The following CPAP variants were observed in gnomAD, a reference collection of about 807,000 sequenced individuals.
CPAP encodes centrosome assembly and centriole elongation protein.
chr13:24,926,753 C>T, the CPAP span, among the ~76,000 whole-genome samples: 1 of 152,064 alleles, frequency 6.6e-6, no homozygotes, highest in African/African-American at 2.4e-5. Flanking sequence ...AGCTCTTGGC[C>T]TGCCCTGTGA....
chr13:24,882,623 C>T, the CPAP span: 1 of 153,970 alleles, frequency 6.5e-6, no homozygotes, highest in African/African-American at 2.4e-5. Context: ...GCTTTCTCTT[C>T]ACCATGATTA....
At chr13:24,898,450 T>C in the CPAP span, among the ~76,000 whole-genome samples, 1 of 152,180 alleles carries the variant, frequency 6.6e-6, no homozygotes, top group Non-Finnish European at 1.5e-5. Flanking sequence ...ACTGAATAGG[T>C]GGCCGGAGCA....
chr13:24,901,952 T>C, the CPAP span, among the ~76,000 whole-genome samples: 280 of 152,228 alleles, frequency 1.8e-3, 2 homozygotes, highest in South Asian at 0.023. Context: ...GATTGTACCA[T>C]TGTACTCCAG....
the CPAP span, chr13:24,899,414 C>A: frequency 6.2e-7 from 1 of 1,604,962 alleles, no homozygotes; most frequent in Non-Finnish European, 8.5e-7. Context: ...AAAGAACTAG[C>A]ATACCTGTAT....
chr13:24,906,631 A>C, the CPAP span: 1 of 1,614,212 alleles, frequency 6.2e-7, no homozygotes, highest in Non-Finnish European at 8.5e-7. Context: ...ATCCTGACGG[A>C]GAAAGACTTT....
chr13:24,913,069 G>C, the CPAP span: 2 of 1,557,856 alleles, frequency 1.3e-6, no homozygotes, highest in African/African-American at 2.7e-5. Context: ...GCAAAGGCTA[G>C]AAGAGCTATT....
chr13:24,921,761 C>G, the CPAP span, among the ~76,000 whole-genome samples: 1 of 152,074 alleles, frequency 6.6e-6, no homozygotes, highest in African/African-American at 2.4e-5. Context: ...GAAAAATTCC[C>G]TACTAGACTG....
chr13:24,919,265 A>C, the CPAP span, among the ~76,000 whole-genome samples: 2 of 152,230 alleles, frequency 1.3e-5, no homozygotes, highest in African/African-American at 4.8e-5. Flanking sequence ...GCCATAAAAA[A>C]TTACAAGCAC....
At chr13:24,904,864 G>A in the CPAP span, among the ~76,000 whole-genome samples, 18 of 152,234 alleles carry the variant, frequency 1.2e-4, no homozygotes, top group East Asian at 3.1e-3. Flanking sequence ...TAAAAAGTCC[G>A]TTACATCAAC....
the CPAP span, among the ~76,000 whole-genome samples, chr13:24,917,342 G>T: frequency 6.6e-6 from 1 of 152,124 alleles, no homozygotes; most frequent in Admixed American, 6.6e-5. Flanking sequence ...TTGAAATGTG[G>T]CTAATGTGAC....
chr13:24,910,173 C>T, the CPAP span: 1 of 1,184,308 alleles, frequency 8.4e-7, no homozygotes, highest in Non-Finnish European at 1.2e-6. Flanking sequence ...CCCACAAAGA[C>T]TTCTCCACAG....
chr13:24,905,938 A>T, the CPAP span: 1 of 1,614,076 alleles, frequency 6.2e-7, no homozygotes, highest in Non-Finnish European at 8.5e-7. Flanking sequence ...TGCTACTGTC[A>T]CTATTTGGAA....
the CPAP span, among the ~76,000 whole-genome samples, chr13:24,929,746 T>C: frequency 1.3e-5 from 2 of 152,190 alleles, no homozygotes; most frequent in Non-Finnish European, 2.9e-5. Context: ...ACTCCCATCA[T>C]GCATATGCTG....
chr13:24,897,286 G>A, the CPAP span, among the ~76,000 whole-genome samples: 1 of 152,134 alleles, frequency 6.6e-6, no homozygotes, highest in Non-Finnish European at 1.5e-5. Context: ...TTTATGGAGG[G>A]ATAATCTGGC....
the CPAP span, among the ~76,000 whole-genome samples, chr13:24,907,402 T>G: frequency 6.6e-6 from 1 of 152,062 alleles, no homozygotes; most frequent in Non-Finnish European, 1.5e-5. Flanking sequence ...GACTTTGGAG[T>G]CCTAAGAACC....
At chr13:24,887,080 C>G in the CPAP span, among the ~76,000 whole-genome samples, 2 of 152,084 alleles carry the variant, frequency 1.3e-5, no homozygotes, top group African/African-American at 4.8e-5. Context: ...GCTGGAATAG[C>G]TGGGTAGATA....
At chr13:24,905,206 AATT>A in the CPAP span, 1 of 801,054 alleles carries the variant, frequency 1.2e-6, no homozygotes, top group African/African-American at 1.7e-5. Flanking sequence ...AAATAAATCA[AATT>A]TTTACAAATC....
the CPAP span, chr13:24,906,354 C>CT: frequency 1.2e-6 from 2 of 1,612,424 alleles, no homozygotes; most frequent in African/African-American, 1.3e-5. Context: ...TCCCAAGTCT[C>CT]TAACTTTTTC....
the CPAP span, among the ~76,000 whole-genome samples, chr13:24,933,861 A>T: frequency 5.0e-3 from 758 of 151,818 alleles, 6 homozygotes; most frequent in Non-Finnish European, 7.8e-3. Flanking sequence ...AGTGGCTGGG[A>T]TTATAGGTGC....
Sources: gnomAD v4.1 joint callset for allele counts (sites outside exome capture counted in the v4.1 genomes callset) on GRCh38, gnomAD v4.1.1 for gene constraint, MANE v1.5 for transcripts, NCBI Gene and HGNC (gene_info 2026-07-23, HGNC 2026-07-21) for gene names.